PLCXD3: variants seen among roughly 807,000 people sequenced by gnomAD.
PLCXD3 encodes the protein PI-PLC X domain-containing protein 3.
In PLCXD3, 19 loss-of-function variants were observed where a neutral mutation model predicts 25.5. The observed-to-expected ratio is 0.75, with a 90% CI of 0.52 to 1.09. The LOEUF (loss-of-function observed/expected upper bound fraction) is 1.09, where lower values mean the gene tolerates loss of function less well. Among genes scored for constraint, PLCXD3 ranks in the 50% least tolerant of loss-of-function variants. The probability of loss-of-function intolerance (pLI) is 0.00; values close to 1 mark genes in which losing one functional copy is unlikely to be tolerated. For missense variants in PLCXD3, 411 were observed against 388.1 expected, an observed-to-expected ratio of 1.06 and a Z score of -0.50; for synonymous variants, 174 against 137.6, an observed-to-expected ratio of 1.26 and a Z score of -1.85.
rs1297104261 is a variant in PLCXD3 at position 41,492,214 on chromosome 5, G to T, written c.103+18210C>A. The stretch of plus-strand genomic sequence containing the variant: ...TATGAAGCTTAGTTTGGCTGGATAT[G>T]AAATTCTGGGTTGAAAATTATTTTC... On this transcript the variant is annotated intron_variant, in intron 1 of 2. Transcript: ENST00000377801. Among the ~76,000 whole-genome samples, 4 of 152,288 alleles carry T rather than the reference G, an allele frequency of 2.6e-5. No homozygotes were observed. In the South Asian group the frequency reaches 8.3e-4, roughly 32 times the overall value.
chr5:41,361,246 C>CA (rs989056361), intron 2 of PLCXD3, among the ~76,000 whole-genome samples: 1 of 152,140 alleles, frequency 6.6e-6, no homozygotes, highest in Non-Finnish European at 1.5e-5. Flanking sequence ...AGGCTAGTCT[C>CA]ACTCTCACTG....
intron 2 of PLCXD3, among the ~76,000 whole-genome samples, chr5:41,325,609 GT>G (rs902413165): frequency 1.3e-5 from 2 of 151,944 alleles, no homozygotes; most frequent in Non-Finnish European, 2.9e-5. Context: ...ACTAATTTTT[GT>G]TTTTTTGCCA....
intron 1 of PLCXD3, among the ~76,000 whole-genome samples, chr5:41,471,489 A>G (rs1490267530): frequency 2.0e-5 from 3 of 152,170 alleles, no homozygotes; most frequent in Non-Finnish European, 4.4e-5. Flanking sequence ...GCCAGAGGAG[A>G]ATCGCCCATC....
chr5:41,333,619 A>G lies in PLCXD3; in HGVS notation c.813-19849T>C, dbSNP rs549432937. Among the ~76,000 whole-genome samples, 27 of 152,290 alleles carry G rather than the reference A, an allele frequency of 1.8e-4. 2 individuals are homozygous for G. In the South Asian group the frequency reaches 5.0e-3, roughly 28 times the overall value. On this transcript the variant is annotated intron_variant, in intron 2 of 2. Transcript: ENST00000377801. The stretch of plus-strand genomic sequence containing the variant: ...TATCTGATTTATGTCTGATGAAAAC[A>G]GTTCATTTAAAAAATATTTTTCCCC...
At chr5:41,495,167 C>T (rs2150526941) in intron 1 of PLCXD3, among the ~76,000 whole-genome samples, 1 of 152,344 alleles carries the variant, frequency 6.6e-6, no homozygotes, top group Admixed American at 6.5e-5. Context: ...TGGGAAGAAA[C>T]TTTGAGCTCC....
intron 1 of PLCXD3, among the ~76,000 whole-genome samples, chr5:41,476,364 G>A (rs1748284304): frequency 6.6e-6 from 1 of 152,190 alleles, no homozygotes. Flanking sequence ...ATGCCTCAAT[G>A]TGCCTCAACT....
intron 1 of PLCXD3, among the ~76,000 whole-genome samples, chr5:41,462,451 C>T (rs1193893469): frequency 6.6e-6 from 1 of 151,932 alleles, no homozygotes; most frequent in South Asian, 2.1e-4. Context: ...GAAATATACA[C>T]TTGGGACTTA....
intron 2 of PLCXD3, among the ~76,000 whole-genome samples, chr5:41,367,124 G>A (rs1481186655): frequency 1.3e-5 from 2 of 152,072 alleles, no homozygotes; most frequent in African/African-American, 4.8e-5. Flanking sequence ...CTTTATAATA[G>A]AATGATTTAT....
rs534078765 is a variant in PLCXD3 at position 41,373,017 on chromosome 5, C to A, written c.812+8809G>T. ...CAAGATCATGCCACTGTACTCCAGC[C>A]TGGGTGACAGGCTGTCTCAAAACAA... On this transcript the variant is annotated intron_variant, in intron 2 of 2. Coordinates refer to ENST00000377801, the MANE Select transcript of PLCXD3 (RefSeq NM_001005473.3). Among the ~76,000 whole-genome samples, 313 of 152,238 alleles carry A rather than the reference C, an allele frequency of 2.1e-3. 1 individual carries two copies. Among genetic ancestry groups the A allele is most frequent in the Non-Finnish European group, 3.2e-3 (216 of 68,010 alleles).
intron 2 of PLCXD3, among the ~76,000 whole-genome samples, chr5:41,344,467 A>G (rs1744247357): frequency 6.6e-6 from 1 of 152,158 alleles, no homozygotes; most frequent in Admixed American, 6.5e-5. Context: ...AGAATGAGAA[A>G]TCCATTTTCA....
intron 1 of PLCXD3, among the ~76,000 whole-genome samples, chr5:41,467,878 G>C (rs1748058461): frequency 6.6e-6 from 1 of 152,038 alleles, no homozygotes; most frequent in Non-Finnish European, 1.5e-5. Flanking sequence ...AAATGCATGG[G>C]TTAGGACCTT....
rs569647400 is a variant in PLCXD3 at position 41,313,309 on chromosome 5, A to G, written c.*308T>C. On this transcript the variant is annotated 3_prime_UTR_variant, in exon 3 of 3. Transcript: ENST00000377801. Reference sequence around the variant, plus strand: ...GTCATAGGCTGGAAATAGAGAACCTAATCAAGTAAACACTCATGAATTCTA... The same window carrying G: ...GTCATAGGCTGGAAATAGAGAACCTGATCAAGTAAACACTCATGAATTCTA... The G allele has an allele frequency of 3.5e-6, 1 of 282,414 alleles. No homozygotes were observed. Among genetic ancestry groups the G allele is most frequent in the East Asian group, 1.0e-4 (1 of 9,816 alleles). The allele number at this position is 282,414 out of a possible 1,614,324, so 17.5% of individuals were successfully genotyped here.
At chr5:41,508,765 T>A (rs1471050666) in intron 1 of PLCXD3, among the ~76,000 whole-genome samples, 1 of 152,176 alleles carries the variant, frequency 6.6e-6, no homozygotes, top group South Asian at 2.1e-4. Context: ...GGGGAAACCA[T>A]GTGAAAGAAG....
chr5:41,478,204 G>C (rs961615670), intron 1 of PLCXD3, among the ~76,000 whole-genome samples: 2 of 152,216 alleles, frequency 1.3e-5, no homozygotes, highest in Admixed American at 6.5e-5. Context: ...TGGGTTGTTA[G>C]AGAGTTGATC....
chr5:41,399,972 G>A (rs1746127485), intron 1 of PLCXD3, among the ~76,000 whole-genome samples: 1 of 151,992 alleles, frequency 6.6e-6, no homozygotes, highest in South Asian at 2.1e-4. Context: ...GAATATATAA[G>A]GAGCTCAAAC....
intron 1 of PLCXD3, among the ~76,000 whole-genome samples, chr5:41,395,430 A>G (rs1248964297): frequency 6.6e-6 from 1 of 152,084 alleles, no homozygotes; most frequent in Non-Finnish European, 1.5e-5. Context: ...GTATGAAAAA[A>G]CAAAACCCAT....
At chr5:41,325,162 G>C (rs1743590412) in intron 2 of PLCXD3, among the ~76,000 whole-genome samples, 2 of 152,130 alleles carry the variant, frequency 1.3e-5, no homozygotes, top group Admixed American at 6.5e-5. Context: ...ATGAAACATT[G>C]TTTCAAAATA....
chr5:41,438,013 G>A (rs34763107), intron 1 of PLCXD3, among the ~76,000 whole-genome samples: 19,663 of 152,118 alleles, frequency 0.13, 1,442 homozygotes, highest in Middle Eastern at 0.2. Context: ...TATGACAAAA[G>A]TAATGCCTGC....
intron 1 of PLCXD3, among the ~76,000 whole-genome samples, chr5:41,395,004 A>G (rs1745952758): frequency 6.6e-6 from 1 of 152,176 alleles, no homozygotes; most frequent in Admixed American, 6.5e-5. Flanking sequence ...AATTTTATCC[A>G]TGAGCTGCAG....
Sources: allele counts gnomAD v4.1 joint callset (sites outside exome capture counted in the v4.1 genomes callset), GRCh38; gene constraint gnomAD v4.1.1; transcripts MANE v1.5; gene names NCBI Gene and HGNC (gene_info 2026-07-23, HGNC 2026-07-21).